Variants in FAM178B observed in about 807,000 individuals in gnomAD.
The protein encoded by FAM178B is protein FAM178B.
FAM178B carries 82 observed loss-of-function variants against 91.7 expected under a neutral mutation model. The ratio of observed to expected loss-of-function variants is 0.89; its 90% confidence interval spans 0.75 to 1.07. FAM178B has a LOEUF of 1.07. FAM178B is among the 50% of genes least tolerant of loss of function. The pLI, the probability that FAM178B is intolerant of heterozygous loss-of-function variation, is 0.00. For missense variants in FAM178B, 769 were observed against 846.7 expected, an observed-to-expected ratio of 0.91 and a Z score of 1.14; for synonymous variants, 368 against 359.4, an observed-to-expected ratio of 1.02 and a Z score of -0.27.
chr2:96,897,932 G>T (rs1441481682), intron 13 of FAM178B: 1 of 984,888 alleles, frequency 1.0e-6, no homozygotes, highest in Non-Finnish European at 1.2e-6. Flanking sequence ...CCTCAATGCT[G>T]TAAGTCCTGT....
Position 96,967,507 on chromosome 2 carries a change from C to G in FAM178B, c.734+13G>C. The G allele has an allele frequency of 6.6e-7, 1 of 1,516,786 alleles. No homozygotes were observed. Among genetic ancestry groups the G allele is most frequent in the Non-Finnish European group, 8.9e-7 (1 of 1,117,954 alleles). The allele number at this position is 1,516,786 out of a possible 1,614,324, so 94.0% of individuals were successfully genotyped here. On this transcript the variant is annotated intron_variant, in intron 5 of 16. Coordinates refer to ENST00000490605, the MANE Select transcript of FAM178B (RefSeq NM_001122646.3). ...TCCCCTTCGGAGGCTGGTGCCAGGC[C>G]CCTGCCCCTCACCTGTGCTCGGGTG...
intron 12 of FAM178B, among the ~76,000 whole-genome samples, chr2:96,917,038 T>C (rs2081252028): frequency 6.6e-6 from 1 of 152,108 alleles, no homozygotes; most frequent in Non-Finnish European, 1.5e-5. Flanking sequence ...AGGAGCCCTT[T>C]ACAACCCAAT....
chr2:96,912,179 G>A (rs1025608598), intron 12 of FAM178B, among the ~76,000 whole-genome samples: 7 of 152,162 alleles, frequency 4.6e-5, no homozygotes, highest in Non-Finnish European at 7.3e-5. Context: ...AAGGACTCCG[G>A]AGCCAGCAGG....
At chr2:96,975,094 CAAAAAAA>C (rs34807786) in intron 1 of FAM178B, among the ~76,000 whole-genome samples, 2 of 56,272 alleles carry the variant, frequency 3.6e-5, no homozygotes, top group South Asian at 1.4e-3. Flanking sequence ...GACTCTGTCT[CAAAAAAA>C]AAAAAAAAAA....
At chr2:96,917,599 T>C (rs2081263080) in intron 12 of FAM178B, among the ~76,000 whole-genome samples, 1 of 152,230 alleles carries the variant, frequency 6.6e-6, no homozygotes, top group African/African-American at 2.4e-5. Context: ...CTCACACCCG[T>C]GATCCCAGCA....
intron 16 of FAM178B, among the ~76,000 whole-genome samples, chr2:96,877,407 T>A (rs1183740365): frequency 6.6e-5 from 10 of 151,628 alleles, no homozygotes; most frequent in African/African-American, 2.4e-4. Context: ...ACTGGATTTT[T>A]TTTTTTTTTT....
At chr2:96,941,991 C>CA (rs2081740518) in intron 8 of FAM178B, among the ~76,000 whole-genome samples, 2 of 152,042 alleles carry the variant, frequency 1.3e-5, no homozygotes, top group African/African-American at 2.4e-5. Flanking sequence ...AATTCTACCA[C>CA]AAAAAAACTA....
chr2:96,967,408 A>G, intron 5 of FAM178B, 112 bp downstream of exon 5: 1 of 630,936 alleles, frequency 1.6e-6, no homozygotes. Flanking sequence ...AGAATTCACA[A>G]ATAGTACACA....
At chr2:96,912,199 A>G (rs2081170423) in intron 12 of FAM178B, among the ~76,000 whole-genome samples, 1 of 152,082 alleles carries the variant, frequency 6.6e-6, no homozygotes, top group African/African-American at 2.4e-5. Context: ...GGTCCTTCGG[A>G]GACATCCTCA....
chr2:96,878,205 C>T (rs1278300992), intron 15 of FAM178B, among the ~76,000 whole-genome samples, 163 bp from the exon 16 acceptor site: 4 of 152,210 alleles, frequency 2.6e-5, no homozygotes, highest in African/African-American at 4.8e-5. Context: ...ACTGTTGGGG[C>T]TCGGGTCAGT....
chr2:96,929,555 C>T (rs1188383173), intron 8 of FAM178B, among the ~76,000 whole-genome samples: 2 of 152,246 alleles, frequency 1.3e-5, no homozygotes, highest in Non-Finnish European at 2.9e-5. Flanking sequence ...CAAGGTATGG[C>T]TGCACTTGGG....
chr2:96,950,856 C>T (rs761361403), intron 7 of FAM178B, among the ~76,000 whole-genome samples: 3 of 152,196 alleles, frequency 2.0e-5, no homozygotes, highest in Non-Finnish European at 2.9e-5. Flanking sequence ...CACGCTCAAA[C>T]GCCCAAGCAC....
intron 12 of FAM178B, among the ~76,000 whole-genome samples, chr2:96,909,122 G>A (rs1253319949): frequency 4.5e-5 from 6 of 134,258 alleles, no homozygotes; most frequent in African/African-American, 8.5e-5. Context: ...CAGCCTGGGC[G>A]ACAGATCAAG....
intron 8 of FAM178B, among the ~76,000 whole-genome samples, chr2:96,944,068 C>A (rs902703499): frequency 1.3e-5 from 2 of 151,942 alleles, no homozygotes; most frequent in African/African-American, 2.4e-5. Context: ...CATGGTGAAA[C>A]CCTGTCTCTA....
intron 14 of FAM178B, among the ~76,000 whole-genome samples, chr2:96,879,262 G>A (rs1329328156): frequency 6.6e-6 from 1 of 152,176 alleles, no homozygotes; most frequent in East Asian, 1.9e-4. Flanking sequence ...TTGTCCTCTC[G>A]GCTCTCTCTT....
At chr2:96,900,137 C>T (rs543014763) in intron 13 of FAM178B, among the ~76,000 whole-genome samples, 2 of 152,260 alleles carry the variant, frequency 1.3e-5, no homozygotes, top group East Asian at 3.9e-4. Context: ...CTGTGTCGCG[C>T]CCCCTCTGGC....
intron 5 of FAM178B, among the ~76,000 whole-genome samples, 160 bp from the exon 6 acceptor site, chr2:96,960,600 A>C (rs1270340081): frequency 6.6e-6 from 1 of 152,162 alleles, no homozygotes; most frequent in African/African-American, 2.4e-5. Flanking sequence ...ATGGAGGAAG[A>C]GCCCACCTAG....
intron 8 of FAM178B, among the ~76,000 whole-genome samples, chr2:96,946,432 C>T (rs563223041): frequency 5.9e-5 from 9 of 152,346 alleles, no homozygotes; most frequent in Non-Finnish European, 1.3e-4. Flanking sequence ...GGGCCTCTCA[C>T]TTTCCCCATA....
intron 1 of FAM178B, among the ~76,000 whole-genome samples, chr2:96,982,359 G>A (rs913814371): frequency 3.3e-5 from 5 of 152,014 alleles, no homozygotes; most frequent in Non-Finnish European, 5.9e-5. Flanking sequence ...GCCTCCCAGC[G>A]TCAAGTCATC....
Sources: gnomAD v4.1 joint callset for allele counts (sites outside exome capture counted in the v4.1 genomes callset) on GRCh38, gnomAD v4.1.1 for gene constraint, MANE v1.5 for transcripts, NCBI Gene and HGNC (gene_info 2026-07-23, HGNC 2026-07-21) for gene names.